Variants in SPTAN1 observed in about 807,000 individuals in gnomAD.
The protein encoded by SPTAN1 is spectrin alpha, non-erythrocytic 1.
A neutral mutation model predicts 331.3 loss-of-function variants in SPTAN1; 61 were observed. That is an observed-to-expected ratio of 0.18 (90% CI 0.15 to 0.23). The LOEUF (loss-of-function observed/expected upper bound fraction) is 0.23. SPTAN1 is among the 10% of genes least tolerant of loss of function. SPTAN1 has a pLI of 1.00. For synonymous variants in SPTAN1, 1,153 were observed against 1,173.9 expected (o/e 0.98, Z 0.36); for missense variants, 2,043 against 3,147.9 (o/e 0.65, Z 8.40).
intron 1 of SPTAN1, among the ~76,000 whole-genome samples, chr9:128,556,933 T>C (rs1848701749): frequency 6.6e-6 from 1 of 152,222 alleles, no homozygotes; most frequent in Non-Finnish European, 1.5e-5. Flanking sequence ...GGTGGTTTGT[T>C]CTTAGGGAAG....
rs779973472 is a variant in SPTAN1, at chr9:128,617,682, C to T, written c.5400C>T (p.Asp1800=). ...TGGGCTCAGAGGACTACGGCCGGGA[C>T]CTAACCGGCGTGCAGAACCTGAGGA... The part of the protein sequence containing the change: ...LLVGSEDYGR[D]LTGVQNLRKK... Residue 1800 remains aspartate (D), a synonymous_variant, in exon 42 of 57, where the codon GAC becomes GAT. Coordinates refer to ENST00000372739, the MANE Select transcript of SPTAN1 (RefSeq NM_001130438.3). 6.2e-7 allele frequency: 1 copy of T among 1,614,108 alleles called. No homozygotes were observed. Among genetic ancestry groups the T allele is most frequent in the South Asian group, 1.1e-5 (1 of 91,082 alleles).
chr9:128,552,943 G>T lies in SPTAN1; in HGVS notation c.-4+247G>T, dbSNP rs1848293835. 1 of 152,338 alleles carries T rather than the reference G, an allele frequency of 6.6e-6. No individual in the cohort carries two copies. The highest frequency in any genetic ancestry group is 2.4e-5 in the African/African-American group (1 of 41,456). The allele number at this position is 152,338 out of a possible 1,614,324, so 9.4% of individuals were successfully genotyped here. A position where few individuals can be genotyped will look rare whatever the true frequency, so the allele number is the denominator to read the frequency against. ...CGCCGCTGGAATGTCACTGACGGGGGGAGGGGGCGCGAGGCCGCCGGGTCC... is the reference window on the plus strand; with the variant it reads ...CGCCGCTGGAATGTCACTGACGGGGTGAGGGGGCGCGAGGCCGCCGGGTCC... On this transcript the variant is annotated intron_variant, in intron 1 of 56. Transcript: ENST00000372739. This position sits in a 1 kb window ranked among gnomAD's most constrained non-coding sequence, Gnocchi z 4.6.
rs114523959 is a variant in SPTAN1 at position 128,594,723 on chromosome 9, C to T, written c.3414+350C>T. On this transcript the variant is annotated intron_variant, in intron 24 of 56. Transcript: ENST00000372739. ...CTGGGATTATAGGCATGAGCTTCTG[C>T]GCCTGGCCAGAGTCTCTTGATTTCT... Among the ~76,000 whole-genome samples the T allele has an allele frequency of 3.3e-3, 498 of 149,548 alleles. 2 individuals carry two copies. Among genetic ancestry groups the T allele is most frequent in the African/African-American group, 0.012 (481 of 40,736 alleles).
chr9:128,597,214 T>C (rs917840160), intron 24 of SPTAN1, among the ~76,000 whole-genome samples: 1 of 152,152 alleles, frequency 6.6e-6, no homozygotes, highest in African/African-American at 2.4e-5. Flanking sequence ...TCTGGTTATG[T>C]TGCCCTAAGC....
intron 3 of SPTAN1, among the ~76,000 whole-genome samples, chr9:128,574,467 T>A (rs1260976080): frequency 3.3e-5 from 5 of 151,982 alleles, no homozygotes; most frequent in African/African-American, 4.8e-5. Flanking sequence ...TACTTGTAAC[T>A]TGAAGACCAC....
intron 21 of SPTAN1, among the ~76,000 whole-genome samples, chr9:128,590,218 T>C (rs1853289336): frequency 6.6e-6 from 1 of 152,226 alleles, no homozygotes. Flanking sequence ...ATCTTTCTAT[T>C]GAGTCTAATT....
At position 128,587,634 on chromosome 9, in the gene SPTAN1, T is replaced by C; in HGVS notation, c.2807T>C (p.Met936Thr). ...CTACTGAAGAAACACGAAGCTTTGA[T>C]GTCAGATCTCAGTGCCTACGGCAGC... is the stretch of plus-strand genomic sequence containing the variant. ...EALLKKHEALMSDLSAYGSSI... is the reference protein window; with the variant it reads ...EALLKKHEALTSDLSAYGSSI... Residue 936 changes from methionine to threonine, a missense_variant, in exon 20 of 57, where the codon ATG (methionine) becomes ACG (threonine). By Grantham distance (81) the Met-to-Thr change is moderately conservative. Coordinates refer to ENST00000372739, the MANE Select transcript of SPTAN1 (RefSeq NM_001130438.3). The C allele has an allele frequency of 1.9e-6, 3 of 1,613,974 alleles. No homozygotes were observed. Among genetic ancestry groups the C allele is most frequent in the Non-Finnish European group, 1.7e-6 (2 of 1,179,984 alleles).
intron 52 of SPTAN1, chr9:128,631,527 C>A: frequency 6.4e-6 from 1 of 156,472 alleles, no homozygotes; most frequent in Non-Finnish European, 1.4e-5. Context: ...TATAGCAAGA[C>A]CTTGTCTTAA....
chr9:128,570,322 ATATATATATTT>A (rs1205478957), intron 3 of SPTAN1, among the ~76,000 whole-genome samples: 7 of 33,580 alleles, frequency 2.1e-4, no homozygotes, highest in African/African-American at 7.5e-4. Context: ...ATATATATAT[ATATATATATTT>A]TTTTTTTTTT....
At chr9:128,606,877 G>C (rs62586288) in intron 31 of SPTAN1, among the ~76,000 whole-genome samples, 1 of 152,060 alleles carries the variant, frequency 6.6e-6, no homozygotes, top group South Asian at 2.1e-4. Context: ...ATGTATTCAC[G>C]GTGTTGTGCA....
chr9:128,607,481 G>A (rs1856043087), intron 31 of SPTAN1, 123 bp from the exon 32 acceptor site: 1 of 869,676 alleles, frequency 1.1e-6, no homozygotes. Context: ...GCCTCATTCA[G>A]TAGATCAGAT....
intron 21 of SPTAN1, among the ~76,000 whole-genome samples, chr9:128,589,881 TTGG>T (rs1853245526): frequency 6.6e-6 from 1 of 152,222 alleles, no homozygotes; most frequent in Admixed American, 6.5e-5. Flanking sequence ...GGCCGACCTG[TTGG>T]TTCTTACTCC....
intron 1 of SPTAN1, among the ~76,000 whole-genome samples, chr9:128,556,980 C>T (rs2132673318): frequency 6.6e-6 from 1 of 152,282 alleles, no homozygotes; most frequent in South Asian, 2.1e-4. Context: ...TCTTGCTTTG[C>T]AAATCTGAAA....
rs76393340 is a variant in SPTAN1 at position 128,617,426 on chromosome 9, C to T, written c.5358-214C>T. On this transcript the variant is annotated intron_variant, in intron 41 of 56. Coordinates refer to ENST00000372739, the MANE Select transcript of SPTAN1 (RefSeq NM_001130438.3). ...AGTGCATCCCCAACCCTCCAGAATC[C>T]GGACACACAGCAGGGCTCATAGATG... Among the ~76,000 whole-genome samples, 4,277 of 152,190 alleles carry T rather than the reference C, an allele frequency of 0.028. 191 individuals are homozygous for T. The highest frequency in any genetic ancestry group is 0.098 in the African/African-American group (4,064 of 41,502).
At chr9:128,565,925 CT>C (rs1208902531) in intron 1 of SPTAN1, among the ~76,000 whole-genome samples, 2 of 152,140 alleles carry the variant, frequency 1.3e-5, no homozygotes, top group African/African-American at 4.8e-5. Context: ...TTTTTAGTCA[CT>C]TTAGGAAATT....
chr9:128,617,662 T>A lies in SPTAN1; in HGVS notation c.5380T>A (p.Ser1794Thr). ...WIKEKKLLVG[S>T]EDYGRDLTGV... ...CAGGGAGAAGAAGCTGCTGGTGGGC[T>A]CAGAGGACTACGGCCGGGACCTAAC... Residue 1794 changes from serine (S) to threonine (T), a missense_variant, in exon 42 of 57, where the codon TCA (serine) becomes ACA (threonine). Physicochemically the swap from Ser to Thr is moderately conservative, Grantham distance 58. Transcript: ENST00000372739. 6.2e-7 allele frequency: 1 copy of A among 1,614,104 alleles called. No individual in the cohort carries two copies. The highest frequency in any genetic ancestry group is 8.5e-7 in the Non-Finnish European group (1 of 1,180,008).
intron 41 of SPTAN1, among the ~76,000 whole-genome samples, chr9:128,616,698 CG>C (rs952473004): frequency 6.6e-6 from 1 of 151,446 alleles, no homozygotes; most frequent in African/African-American, 2.4e-5. Context: ...ACCAGGGAGG[CG>C]GAGGTTGCAA....
In SPTAN1 at chr9:128,583,917, A is replaced by T; in HGVS notation, c.2141A>T (p.Gln714Leu). ...DDYGKDLTNVQNLQKKHALLE... is the reference protein window; with the variant it reads ...DDYGKDLTNVLNLQKKHALLE... ...TACGGCAAAGATCTTACCAATGTGC[A>T]GAACCTCCAGAAGAAACATGCACTG... is the stretch of plus-strand genomic sequence containing the variant. The change falls in exon 16 of 57, where the codon CAG becomes CTG. Residue 714 changes from glutamine (Q) to leucine (L), a missense_variant. Around this residue, in one of 12 missense-constraint regions of SPTAN1, gnomAD observed 1,038 missense variants for 1,531.5 expected, o/e 0.68. Coordinates refer to ENST00000372739, the MANE Select transcript of SPTAN1 (RefSeq NM_001130438.3). 2 of 1,614,234 alleles carry T rather than the reference A, an allele frequency of 1.2e-6. No homozygotes were observed. Among genetic ancestry groups the T allele is most frequent in the Non-Finnish European group, 1.7e-6 (2 of 1,180,038 alleles).
intron 26 of SPTAN1, 31 bp downstream of exon 26, chr9:128,599,017 A>C: frequency 6.2e-7 from 1 of 1,609,534 alleles, no homozygotes; most frequent in South Asian, 1.1e-5. Flanking sequence ...GTGGATCTTG[A>C]ACATGAGAAG....
Sources: gnomAD v4.1 joint callset for allele counts (sites outside exome capture counted in the v4.1 genomes callset) on GRCh38, gnomAD v4.1.1 for gene constraint, gnomAD v4.1.1 regional missense constraint, Gnocchi (gnomAD v3.1) non-coding constraint, MANE v1.5 for transcripts, NCBI Gene and HGNC (gene_info 2026-07-23, HGNC 2026-07-21) for gene names.